Variants in UBE2R2 observed in about 807,000 individuals in gnomAD.
UBE2R2 encodes ubiquitin-conjugating enzyme E2 R2.
A neutral mutation model predicts 27.8 loss-of-function variants in UBE2R2; 1 was observed. That is an observed-to-expected ratio of 0.04 (90% CI 0.01 to 0.17). The LOEUF (loss-of-function observed/expected upper bound fraction) is 0.17. UBE2R2 is among the 10% of genes least tolerant of loss of function. The probability of loss-of-function intolerance (pLI) is 1.00; values close to 1 mark genes in which losing one functional copy is unlikely to be tolerated. For missense variants in UBE2R2, 100 were observed against 291.0 expected, an observed-to-expected ratio of 0.34 and a Z score of 4.78; for synonymous variants, 106 against 113.3, an observed-to-expected ratio of 0.94 and a Z score of 0.41.
At position 33,906,064 on chromosome 9, in the gene UBE2R2, GAAGT is replaced by G. The variant is rs536622221; in HGVS notation, c.362+5798_362+5801del. 1.6e-4 allele frequency among the ~76,000 whole-genome samples: 25 copies of G among 152,342 alleles called. No homozygotes were observed. The East Asian group carries it at 3.3e-3, about 20-fold the overall frequency. On this transcript the variant is annotated intron_variant, in intron 3 of 4. Coordinates refer to ENST00000263228, the MANE Select transcript of UBE2R2 (RefSeq NM_017811.4). Reference sequence around the variant, plus strand: ...GCATGCTTGCCCATGATTATGGCGTGAAGTAAGTTCAGGTTTTGTTGTTGTTGTT... The same window carrying G: ...GCATGCTTGCCCATGATTATGGCGTGAAGTTCAGGTTTTGTTGTTGTTGTT...
At position 33,817,769 on chromosome 9, in the gene UBE2R2, G is replaced by A; in HGVS notation, c.12G>A (p.Gln4=). 1.3e-6 allele frequency: 2 copies of A among 1,585,184 alleles called. No homozygotes were observed. Among genetic ancestry groups the A allele is most frequent in the Non-Finnish European group, 1.7e-6 (2 of 1,166,846 alleles). Residue 4 remains glutamine, a synonymous_variant, in exon 1 of 5, where the codon CAG becomes CAA. Coordinates refer to ENST00000263228, the MANE Select transcript of UBE2R2 (RefSeq NM_017811.4). ...CCGCCGCCGCCGCGATGGCCCAGCA[G>A]CAGATGACCAGCTCGCAGAAGGCCC... MAQ[Q]QMTSSQKALM...
intron 1 of UBE2R2, among the ~76,000 whole-genome samples, chr9:33,863,381 G>A (rs1821288521): frequency 6.8e-6 from 1 of 148,068 alleles, no homozygotes. Flanking sequence ...GCGTGGTGGT[G>A]CGTGCCTGTA....
At position 33,918,788 on chromosome 9, in the gene UBE2R2, C is replaced by G. The variant is rs79583803; in HGVS notation, c.*1551C>G. 0.032 allele frequency: 4,814 copies of G among 152,702 alleles called. 156 individuals carry two copies. The highest frequency in any genetic ancestry group is 0.089 in the East Asian group (463 of 5,174). The allele number at this position is 152,702 out of a possible 1,614,324, so 9.5% of individuals were successfully genotyped here. ...TGTCAACTCCTCCTTTGGCTCGTAA[C>G]TCAGAAAGAACCAAAGGGCAGATTA... On this transcript the variant is annotated 3_prime_UTR_variant, in exon 5 of 5. Coordinates refer to ENST00000263228, the MANE Select transcript of UBE2R2 (RefSeq NM_017811.4).
chr9:33,871,708 A>G (rs1821487884), intron 1 of UBE2R2, among the ~76,000 whole-genome samples: 1 of 152,022 alleles, frequency 6.6e-6, no homozygotes, highest in South Asian at 2.1e-4. Context: ...TCTCAGATTC[A>G]TTTCCGTATT....
At chr9:33,899,967 A>G (rs1822210543) in intron 2 of UBE2R2, among the ~76,000 whole-genome samples, 1 of 152,222 alleles carries the variant, frequency 6.6e-6, no homozygotes, top group African/African-American at 2.4e-5. Flanking sequence ...TCTTCTCACT[A>G]GAAAATATAC....
At chr9:33,886,804 G>A (rs989026663) in intron 1 of UBE2R2, 77 bp from the exon 2 acceptor site, 24 of 1,203,812 alleles carry the variant, frequency 2.0e-5, no homozygotes, top group East Asian at 2.5e-5. Flanking sequence ...TTTCTGTGGC[G>A]TGTAGTAGGG....
chr9:33,852,374 C>T (rs1013692459), intron 1 of UBE2R2, among the ~76,000 whole-genome samples: 3 of 152,172 alleles, frequency 2.0e-5, no homozygotes, highest in Non-Finnish European at 4.4e-5. Context: ...AATCCAGCTG[C>T]ATGATCCAAA....
At chr9:33,846,783 TGA>T (rs1216351452) in intron 1 of UBE2R2, among the ~76,000 whole-genome samples, 8 of 152,208 alleles carry the variant, frequency 5.3e-5, no homozygotes, top group Non-Finnish European at 1.2e-4. Flanking sequence ...CTTTATTTAT[TGA>T]GTTTTATATA....
intron 4 of UBE2R2, among the ~76,000 whole-genome samples, chr9:33,912,453 G>A (rs1028696725): frequency 1.3e-5 from 2 of 151,896 alleles, no homozygotes. Flanking sequence ...GTGAAACCCT[G>A]TCTCTACTAA....
chr9:33,873,831 C>T (rs1318128177), intron 1 of UBE2R2, among the ~76,000 whole-genome samples: 2 of 151,940 alleles, frequency 1.3e-5, no homozygotes, highest in African/African-American at 2.4e-5. Flanking sequence ...TGTGTGGAGA[C>T]GGGGTTTCAC....
At chr9:33,843,269 G>C (rs965182118) in intron 1 of UBE2R2, among the ~76,000 whole-genome samples, 2 of 151,244 alleles carry the variant, frequency 1.3e-5, no homozygotes, top group East Asian at 1.9e-4. Context: ...GGCTGGTCTC[G>C]AACTCCTAAC....
In UBE2R2 at chr9:33,900,949, C is replaced by T. The variant is rs528112336; in HGVS notation, c.362+678C>T. Among the ~76,000 whole-genome samples the T allele has an allele frequency of 2.0e-5, 3 of 152,172 alleles. No homozygotes were observed. In the South Asian group the frequency reaches 6.2e-4, roughly 32 times the overall value. On this transcript the variant is annotated intron_variant, in intron 3 of 4. Transcript: ENST00000263228. ...TCTGTCTCTCTCTCTCTCTCTGTTT[C>T]TGTCTGTGTCTCTGTCTCTTGTCTT... is the stretch of plus-strand genomic sequence containing the variant.
upstream of UBE2R2, among the ~76,000 whole-genome samples, chr9:33,815,353 A>C (rs1351387388): frequency 6.6e-6 from 1 of 152,258 alleles, no homozygotes; most frequent in South Asian, 2.1e-4. Context: ...CATTAATTGT[A>C]ATACATGTAC....
At chr9:33,843,627 C>T (rs879413831) in intron 1 of UBE2R2, among the ~76,000 whole-genome samples, 4 of 151,908 alleles carry the variant, frequency 2.6e-5, no homozygotes, top group Admixed American at 6.6e-5. Context: ...TATAGGCTCG[C>T]GCCACCACAC....
rs145234892 is a variant in UBE2R2 at position 33,914,539 on chromosome 9, A to C, written c.497+2441A>C. ...AAGAGGTGATGCTATTTGAGTTCTG[A>C]TAAAAGAATTGGCTGCCTGGTGTGG... is the stretch of plus-strand genomic sequence containing the variant. On this transcript the variant is annotated intron_variant, in intron 4 of 4. Transcript: ENST00000263228. Among the ~76,000 whole-genome samples, 182 of 152,332 alleles carry C rather than the reference A, an allele frequency of 1.2e-3. 1 individual carries two copies. Among genetic ancestry groups the C allele is most frequent in the African/African-American group, 4.2e-3 (176 of 41,584 alleles).
chr9:33,920,399 A>G lies in UBE2R2; in HGVS notation c.*3162A>G, dbSNP rs1290914114. 2 of 152,192 alleles carry G rather than the reference A, an allele frequency of 1.3e-5. No individual in the cohort carries two copies. Among genetic ancestry groups the G allele is most frequent in the African/African-American group, 4.8e-5 (2 of 41,452 alleles). The allele number at this position is 152,192 out of a possible 1,614,324, so 9.4% of individuals were successfully genotyped here. ...AAAATACCTGTATTGCTACTTCCCCATGAAATGACCCTCTTCTTTTTTTAC... is the reference window on the plus strand; with the variant it reads ...AAAATACCTGTATTGCTACTTCCCCGTGAAATGACCCTCTTCTTTTTTTAC... On this transcript the variant is annotated 3_prime_UTR_variant, in exon 5 of 5. Coordinates refer to ENST00000263228, the MANE Select transcript of UBE2R2 (RefSeq NM_017811.4).
chr9:33,840,502 C>T (rs1225869960), intron 1 of UBE2R2, among the ~76,000 whole-genome samples: 1 of 152,096 alleles, frequency 6.6e-6, no homozygotes, highest in Non-Finnish European at 1.5e-5. Context: ...CATGTTGCAT[C>T]TTTCTTCATT....
intron 1 of UBE2R2, among the ~76,000 whole-genome samples, chr9:33,849,801 G>A (rs1334285679): frequency 2.0e-5 from 3 of 151,958 alleles, no homozygotes; most frequent in African/African-American, 7.3e-5. Flanking sequence ...AGGTTGCAGT[G>A]AGCCAAGCCA....
At chr9:33,825,449 CAG>C (rs1223909583) in intron 1 of UBE2R2, among the ~76,000 whole-genome samples, 1 of 151,982 alleles carries the variant, frequency 6.6e-6, no homozygotes, top group Non-Finnish European at 1.5e-5. Context: ...CCATGTTGGT[CAG>C]GGTGGTCTCA....
Sources: allele counts gnomAD v4.1 joint callset (sites outside exome capture counted in the v4.1 genomes callset), GRCh38; gene constraint gnomAD v4.1.1; transcripts MANE v1.5; gene names NCBI Gene and HGNC (gene_info 2026-07-23, HGNC 2026-07-21).